DNASE1: variants seen among roughly 807,000 people sequenced by gnomAD.
DNASE1 encodes deoxyribonuclease 1.
DNASE1 carries 40 observed loss-of-function variants against 33.9 expected under a neutral mutation model. That is an observed-to-expected ratio of 1.18 (90% CI 0.92 to 1.54). DNASE1 has a LOEUF of 1.54. Among genes scored for constraint, DNASE1 ranks in the 40% most tolerant of loss-of-function variants. The pLI is 0.00. For synonymous variants in DNASE1, 216 were observed against 160.0 expected, an observed-to-expected ratio of 1.35 and a Z score of -2.64; for missense variants, 518 against 372.6, an observed-to-expected ratio of 1.39 and a Z score of -3.21.
chr16:3,621,620 T>C (rs529028201), intron 1 of DNASE1, among the ~76,000 whole-genome samples: 10 of 152,348 alleles, frequency 6.6e-5, no homozygotes, highest in African/African-American at 2.4e-4. Flanking sequence ...AACCTCGTTT[T>C]TGCAACTTAA....
chr16:3,663,886 A>G, exon 10 of DNASE1: 1 of 369,446 alleles, frequency 2.7e-6, no homozygotes, highest in Middle Eastern at 7.8e-4. Context: ...AACATGGTGA[A>G]ATGCCGTCTC....
intron 1 of DNASE1, 49 bp from the exon 2 acceptor site, chr16:3,655,324 G>T (rs1277112451): frequency 1.1e-5 from 18 of 1,611,542 alleles, no homozygotes; most frequent in Admixed American, 1.7e-5. Flanking sequence ...TGCTGTGGCA[G>T]GGATGACGTC....
intron 1 of DNASE1, among the ~76,000 whole-genome samples, chr16:3,631,880 G>C (rs917134070): frequency 6.6e-6 from 1 of 152,114 alleles, no homozygotes; most frequent in African/African-American, 2.4e-5. Flanking sequence ...TTTAGCTGGA[G>C]TTTTGTAGGT....
chr16:3,645,691 C>T lies in DNASE1; in HGVS notation c.-86+2655C>T, dbSNP rs370837213. 1.1e-4 allele frequency among the ~76,000 whole-genome samples: 17 copies of T among 152,296 alleles called. No individual in the cohort carries two copies. The East Asian group carries it at 1.7e-3, about 16-fold the overall frequency. On this transcript the variant is annotated intron_variant, in intron 1 of 9. Coordinates refer to the DNASE1 transcript ENST00000407479. ...ATAGCAGGCCGGGTTGGGGAAGGGG[C>T]GGTCTGCTGCCTGCTGCCTGCTGAG...
upstream of DNASE1, chr16:3,653,987 T>C (rs1338228338): frequency 1.8e-5 from 3 of 165,556 alleles, no homozygotes; most frequent in African/African-American, 7.1e-5. Context: ...GCCGTACCCA[T>C]AGTCTTAGCT....
intron 1 of DNASE1, among the ~76,000 whole-genome samples, chr16:3,614,213 A>T (rs1365859711): frequency 6.7e-6 from 1 of 148,252 alleles, no homozygotes; most frequent in Non-Finnish European, 1.5e-5. Flanking sequence ...CGCCCGGCGT[A>T]ATTTTTTGTA....
At chr16:3,657,490 C>G (rs994932109) in intron 7 of DNASE1, 149 bp downstream of exon 7, 9 of 1,290,054 alleles carry the variant, frequency 7.0e-6, no homozygotes, top group Non-Finnish European at 9.5e-6. Context: ...ATAACAAGAG[C>G]CACGATTTTT....
chr16:3,625,074 A>G (rs991018360), intron 1 of DNASE1, among the ~76,000 whole-genome samples: 7 of 152,156 alleles, frequency 4.6e-5, no homozygotes, highest in Admixed American at 1.3e-4. Flanking sequence ...TGGGAGGCCT[A>G]GGCGGGCGGA....
intron 1 of DNASE1, among the ~76,000 whole-genome samples, chr16:3,648,130 C>G (rs1320981387): frequency 6.6e-6 from 1 of 152,158 alleles, no homozygotes; most frequent in African/African-American, 2.4e-5. Flanking sequence ...GATGGCACCA[C>G]TGTCCTCCAG....
exon 10 of DNASE1, chr16:3,663,601 G>A (rs1191593703): frequency 2.2e-5 from 36 of 1,610,174 alleles, no homozygotes; most frequent in African/African-American, 1.3e-4. Context: ...GACCCCGGGG[G>A]CCTCCAGCCA....
intron 1 of DNASE1, among the ~76,000 whole-genome samples, chr16:3,618,161 A>G (rs2151156720): frequency 6.6e-6 from 1 of 152,124 alleles, no homozygotes; most frequent in South Asian, 2.1e-4. Context: ...AAGCACATGA[A>G]AAGATGATCA....
intron 1 of DNASE1, among the ~76,000 whole-genome samples, chr16:3,613,085 C>G (rs575984248): frequency 6.6e-6 from 1 of 152,104 alleles, no homozygotes; most frequent in Admixed American, 6.5e-5. Context: ...AATTCCAGAA[C>G]GTTTTAAAAC....
At chr16:3,626,211 A>C (rs1054010546) in intron 1 of DNASE1, among the ~76,000 whole-genome samples, 9 of 152,194 alleles carry the variant, frequency 5.9e-5, no homozygotes, top group Admixed American at 1.3e-4. Context: ...AAAAAAAAAA[A>C]AATAGAAAAA....
exon 10 of DNASE1, chr16:3,664,569 T>C (rs2050783404): frequency 1.6e-6 from 2 of 1,244,862 alleles, no homozygotes; most frequent in South Asian, 2.8e-5. Context: ...CACTCCAGGC[T>C]GGCCCTGACC....
chr16:3,659,840 C>A (rs539356746), downstream of DNASE1: 1 of 152,234 alleles, frequency 6.6e-6, no homozygotes, highest in African/African-American at 2.4e-5. Flanking sequence ...ACCGCAGCCT[C>A]CTGGTTTCAA....
At chr16:3,640,724 T>G (rs372785877), upstream of DNASE1, 7 of 398,556 alleles carry the variant, frequency 1.8e-5, no homozygotes, top group East Asian at 2.1e-4. Context: ...GTGACCACAA[T>G]ATGAATGGGA....
At chr16:3,628,412 A>G (rs1372302816) in intron 1 of DNASE1, among the ~76,000 whole-genome samples, 3 of 152,036 alleles carry the variant, frequency 2.0e-5, no homozygotes, top group Non-Finnish European at 2.9e-5. Context: ...CAATTTGGAT[A>G]TATATTTTTT....
At chr16:3,662,942 C>A (rs1489915383), downstream of DNASE1, 4 of 1,612,344 alleles carry the variant, frequency 2.5e-6, no homozygotes, top group Non-Finnish European at 2.5e-6. Flanking sequence ...GCTCCTCCGT[C>A]TCCTTCTCTG....
At chr16:3,628,647 C>G (rs1321856460) in intron 1 of DNASE1, among the ~76,000 whole-genome samples, 1 of 151,382 alleles carries the variant, frequency 6.6e-6, no homozygotes, top group Non-Finnish European at 1.5e-5. Flanking sequence ...AAACCTCCGC[C>G]TCCCGGGTTC....
Sources: allele counts gnomAD v4.1 joint callset (sites outside exome capture counted in the v4.1 genomes callset), GRCh38; gene constraint gnomAD v4.1.1; transcripts MANE v1.5; gene names NCBI Gene and HGNC (gene_info 2026-07-23, HGNC 2026-07-21).